MAP2K5: variants seen among roughly 807,000 people sequenced by gnomAD.
MAP2K5 encodes dual specificity mitogen-activated protein kinase kinase 5.
Under a neutral mutation model 83.1 loss-of-function variants are expected in MAP2K5, and 49 were observed. The observed-to-expected ratio is 0.59, with a 90% CI of 0.47 to 0.75. The LOEUF is 0.75. Among genes scored for constraint, MAP2K5 ranks in the 30% least tolerant of loss-of-function variants. The pLI is 0.00. For synonymous variants in MAP2K5, 202 were observed against 191.8 expected (o/e 1.05, Z -0.44); for missense variants, 457 against 557.5 (o/e 0.82, Z 1.82).
chr15:67,682,412 A>T (rs528188065), intron 13 of MAP2K5, among the ~76,000 whole-genome samples: 2 of 152,070 alleles, frequency 1.3e-5, no homozygotes, highest in Admixed American at 1.3e-4. Context: ...TTTAGTAAAG[A>T]CAGGGTTTTG....
At chr15:67,795,015 C>T (rs998526073) in intron 21 of MAP2K5, among the ~76,000 whole-genome samples, 1 of 152,264 alleles carries the variant, frequency 6.6e-6, no homozygotes, top group Non-Finnish European at 1.5e-5. Context: ...TTGCCAGCCA[C>T]CACCATTATC....
chr15:67,756,694 C>G (rs1307124762), intron 19 of MAP2K5, among the ~76,000 whole-genome samples: 1 of 152,048 alleles, frequency 6.6e-6, no homozygotes, highest in Non-Finnish European at 1.5e-5. Flanking sequence ...CCTCATTTCC[C>G]CCACCCTCCA....
intron 13 of MAP2K5, among the ~76,000 whole-genome samples, chr15:67,673,787 A>G (rs1033482004): frequency 3.3e-5 from 5 of 152,208 alleles, no homozygotes; most frequent in Non-Finnish European, 5.9e-5. Flanking sequence ...AACTATATAC[A>G]TTATAGTGAA....
chr15:67,806,569 G>T (rs1358450045), intron 21 of MAP2K5, 77 bp from the exon 22 acceptor site: 2 of 1,272,982 alleles, frequency 1.6e-6, no homozygotes, highest in South Asian at 1.4e-5. Flanking sequence ...GATCCAGGCT[G>T]AGGGCAGGCC....
chr15:67,622,187 G>A (rs1053577198), intron 8 of MAP2K5, among the ~76,000 whole-genome samples: 2 of 150,668 alleles, frequency 1.3e-5, no homozygotes, highest in East Asian at 3.9e-4. Context: ...AGAATGTGCT[G>A]AAGGGAGAAT....
At chr15:67,803,893 T>C (rs141921379) in intron 21 of MAP2K5, among the ~76,000 whole-genome samples, 1 of 152,338 alleles carries the variant, frequency 6.6e-6, no homozygotes, top group Non-Finnish European at 1.5e-5. Flanking sequence ...GGGTTTGGGT[T>C]ACAGACTTGT....
chr15:67,622,623 A>G (rs1466228944), intron 8 of MAP2K5, among the ~76,000 whole-genome samples: 1 of 152,056 alleles, frequency 6.6e-6, no homozygotes, highest in African/African-American at 2.4e-5. Flanking sequence ...AGCACCTACC[A>G]TGGGCCAGGA....
intron 1 of MAP2K5, among the ~76,000 whole-genome samples, chr15:67,547,461 T>C (rs939680238): frequency 4.7e-5 from 7 of 149,764 alleles, no homozygotes; most frequent in Admixed American, 2.6e-4. Context: ...TTTTCTTTTT[T>C]TTTTTTTTTT....
rs2141272259 is a variant in MAP2K5 at position 67,747,071 on chromosome 15, G to A, written c.1075-1160G>A. Among the ~76,000 whole-genome samples, 1 of 152,192 alleles carries A rather than the reference G, an allele frequency of 6.6e-6. No homozygotes were observed. Among genetic ancestry groups the A allele is most frequent in the African/African-American group, 2.4e-5 (1 of 41,524 alleles). ...TGTAATACAGATGCTGGAAGGAAAGGAGCTCTGGAGGAGCCCCAGCACCAC... is the reference window on the plus strand; with the variant it reads ...TGTAATACAGATGCTGGAAGGAAAGAAGCTCTGGAGGAGCCCCAGCACCAC... On this transcript the variant is annotated intron_variant, in intron 17 of 21. Transcript: ENST00000178640. This position sits in a 1 kb window ranked among gnomAD's most constrained non-coding sequence, Gnocchi z 4.1.
At chr15:67,599,605 A>T (rs76109387) in intron 7 of MAP2K5, among the ~76,000 whole-genome samples, 1 of 150,858 alleles carries the variant, frequency 6.6e-6, no homozygotes, top group Non-Finnish European at 1.5e-5. Flanking sequence ...AGAGCAAACT[A>T]TTTTTTTTCC....
chr15:67,714,441 AAAAAAAAAAAAAAAC>A (rs2088781581), intron 16 of MAP2K5, among the ~76,000 whole-genome samples: 2 of 140,326 alleles, frequency 1.4e-5, no homozygotes, highest in African/African-American at 2.7e-5. Flanking sequence ...AAAAAAAAAA[AAAAAAAAAAAAAAAC>A]CACCACCCTG....
chr15:67,571,872 T>C (rs913895744), intron 3 of MAP2K5, among the ~76,000 whole-genome samples: 1 of 152,176 alleles, frequency 6.6e-6, no homozygotes, highest in Non-Finnish European at 1.5e-5. Flanking sequence ...AGCAGTTCTC[T>C]GGCCAAGCAC....
At chr15:67,648,088 A>G (rs2086868590) in intron 11 of MAP2K5, among the ~76,000 whole-genome samples, 1 of 152,184 alleles carries the variant, frequency 6.6e-6, no homozygotes, top group African/African-American at 2.4e-5. Context: ...CTCAGATACC[A>G]TAAAATTCAC....
In MAP2K5 at chr15:67,722,789, G is replaced by A. The variant is rs1399394511; in HGVS notation, c.1045-5127G>A. Among the ~76,000 whole-genome samples, 2 of 152,084 alleles carry A rather than the reference G, an allele frequency of 1.3e-5. No individual in the cohort carries two copies. The highest frequency in any genetic ancestry group is 1.5e-5 in the Non-Finnish European group (1 of 68,004). On this transcript the variant is annotated intron_variant, in intron 16 of 21. Coordinates refer to ENST00000178640, the MANE Select transcript of MAP2K5 (RefSeq NM_145160.3). The surrounding 1 kb of genome is among the most constrained non-coding windows in gnomAD (Gnocchi z 4.2). ...TATAAAATGAAGATTTAACTGCAGCGCACAATCTAAATGCAAAATCCTTAG... is the reference window on the plus strand; with the variant it reads ...TATAAAATGAAGATTTAACTGCAGCACACAATCTAAATGCAAAATCCTTAG...
intron 3 of MAP2K5, among the ~76,000 whole-genome samples, chr15:67,580,341 G>A (rs1287378916): frequency 1.3e-5 from 2 of 152,104 alleles, no homozygotes. Context: ...TACACAAATT[G>A]AATAATGTTT....
chr15:67,711,301 G>A (rs184717253), intron 16 of MAP2K5, among the ~76,000 whole-genome samples: 301 of 152,330 alleles, frequency 2.0e-3, no homozygotes, highest in Non-Finnish European at 3.6e-3. Flanking sequence ...GCCCGTAAGT[G>A]TTTGGAGAAT....
intron 17 of MAP2K5, among the ~76,000 whole-genome samples, chr15:67,737,228 A>G (rs569691518): frequency 2.6e-5 from 4 of 152,186 alleles, no homozygotes; most frequent in South Asian, 2.1e-4. Context: ...CTGACTGGCT[A>G]TGGATCCCTG....
At position 67,746,850 on chromosome 15, in the gene MAP2K5, A is replaced by G. The variant is rs535297637; in HGVS notation, c.1075-1381A>G. Among the ~76,000 whole-genome samples the G allele has an allele frequency of 6.6e-6, 1 of 152,348 alleles. No individual in the cohort carries two copies. The highest frequency in any genetic ancestry group is 2.1e-4 in the South Asian group (1 of 4,830). ...AAAACACTTTTTAAAACACTCAGGC[A>G]GTAGGAAGAAGGGTGTGCTGATCAG... On this transcript the variant is annotated intron_variant, in intron 17 of 21. Coordinates refer to ENST00000178640, the MANE Select transcript of MAP2K5 (RefSeq NM_145160.3). The surrounding 1 kb of genome is among the most constrained non-coding windows in gnomAD (Gnocchi z 4.1).
intron 7 of MAP2K5, among the ~76,000 whole-genome samples, chr15:67,598,074 G>A (rs1017979648): frequency 2.6e-5 from 4 of 151,772 alleles, no homozygotes; most frequent in Non-Finnish European, 4.4e-5. Context: ...GCATGGTGGC[G>A]TGTGCCTGTA....
Sources: gnomAD v4.1 joint callset for allele counts (sites outside exome capture counted in the v4.1 genomes callset) on GRCh38, gnomAD v4.1.1 for gene constraint, Gnocchi (gnomAD v3.1) non-coding constraint, MANE v1.5 for transcripts, NCBI Gene and HGNC (gene_info 2026-07-23, HGNC 2026-07-21) for gene names.